The following ARL15 variants were observed in gnomAD, a reference collection of about 807,000 sequenced individuals.
ARL15 encodes the protein ADP-ribosylation factor-like protein 15.
A neutral mutation model predicts 25.2 loss-of-function variants in ARL15; 19 were observed. The ratio of observed to expected loss-of-function variants is 0.75; its 90% CI spans 0.53 to 1.10. The LOEUF is 1.10. ARL15 is among the 50% of genes least tolerant of loss of function. The probability of loss-of-function intolerance (pLI) is 0.00; values close to 1 mark genes in which losing one functional copy is unlikely to be tolerated. For missense variants in ARL15, 220 were observed against 246.0 expected, an observed-to-expected ratio of 0.89 and a Z score of 0.71; for synonymous variants, 94 against 86.8, an observed-to-expected ratio of 1.08 and a Z score of -0.46.
chr5:54,234,833 T>C (rs968437693), intron 1 of ARL15, among the ~76,000 whole-genome samples: 3 of 152,170 alleles, frequency 2.0e-5, no homozygotes, highest in Non-Finnish European at 4.4e-5. Flanking sequence ...AAAATTCAGA[T>C]TATAAAATAA....
intron 4 of ARL15, among the ~76,000 whole-genome samples, chr5:54,103,820 G>C (rs922634050): frequency 6.6e-6 from 1 of 152,132 alleles, no homozygotes; most frequent in Non-Finnish European, 1.5e-5. Context: ...ACATGTTTTT[G>C]TTCTCAGAGG....
At chr5:54,274,726 G>A (rs902094655) in intron 1 of ARL15, among the ~76,000 whole-genome samples, 4 of 151,932 alleles carry the variant, frequency 2.6e-5, no homozygotes, top group Admixed American at 6.6e-5. Context: ...GTGAAACCCC[G>A]ACTCTGCTAA....
At chr5:54,271,291 T>C (rs1022748242) in intron 1 of ARL15, among the ~76,000 whole-genome samples, 2 of 152,320 alleles carry the variant, frequency 1.3e-5, no homozygotes, top group East Asian at 3.9e-4. Context: ...CAGTTGTCCC[T>C]CAGTATCCAA....
At chr5:54,129,304 T>TAA (rs1475139206) in intron 3 of ARL15, among the ~76,000 whole-genome samples, 3 of 152,042 alleles carry the variant, frequency 2.0e-5, no homozygotes, top group African/African-American at 7.2e-5. Flanking sequence ...CTTAACATTC[T>TAA]AAAAAGTCCC....
At position 54,310,532 on chromosome 5, in the gene ARL15, G is replaced by A; in HGVS notation, c.-53C>T. ...TCCGAACCCGGAAAAAAAAAGCAGC[G>A]TCTCTGGCTGCGAGCGAGCAGCTCC... On this transcript the variant is annotated 5_prime_UTR_variant, in exon 1 of 5. The change creates a new upstream start codon in the 5' untranslated region. Coordinates refer to ENST00000504924, the MANE Select transcript of ARL15 (RefSeq NM_019087.3). 6.4e-7 allele frequency: 1 copy of A among 1,551,552 alleles called. No individual in the cohort carries two copies. The highest frequency in any genetic ancestry group is 8.7e-7 in the Non-Finnish European group (1 of 1,146,670).
At chr5:53,915,057 C>T (rs1462153885) in intron 4 of ARL15, among the ~76,000 whole-genome samples, 3 of 152,194 alleles carry the variant, frequency 2.0e-5, no homozygotes, top group African/African-American at 2.4e-5. Context: ...GTGATCAACC[C>T]GCCTTGGCCT....
intron 4 of ARL15, among the ~76,000 whole-genome samples, chr5:53,918,678 A>C (rs190150307): frequency 3.3e-5 from 5 of 152,230 alleles, no homozygotes; most frequent in African/African-American, 1.2e-4. Context: ...TAGAGACTGC[A>C]CACTAATAAA....
At chr5:54,020,791 T>TAAAAAAAA (rs146286288) in intron 4 of ARL15, among the ~76,000 whole-genome samples, 1 of 147,734 alleles carries the variant, frequency 6.8e-6, no homozygotes, top group Non-Finnish European at 1.5e-5. Context: ...TAATAAAAAT[T>TAAAAAAAA]AAAAGAAAAA....
intron 3 of ARL15, among the ~76,000 whole-genome samples, chr5:54,119,971 T>C (rs1034171125): frequency 6.6e-6 from 1 of 152,186 alleles, no homozygotes; most frequent in African/African-American, 2.4e-5. Context: ...TCTAAATGCA[T>C]AGTTCATCTT....
chr5:54,067,603 G>A (rs1751281443), intron 4 of ARL15, among the ~76,000 whole-genome samples: 1 of 152,172 alleles, frequency 6.6e-6, no homozygotes, highest in Non-Finnish European at 1.5e-5. Flanking sequence ...TGAAATGCTT[G>A]TGCTACATCA....
At chr5:54,055,008 C>A (rs200341586) in intron 4 of ARL15, among the ~76,000 whole-genome samples, 32 of 152,232 alleles carry the variant, frequency 2.1e-4, no homozygotes, top group African/African-American at 6.3e-4. Flanking sequence ...AATTCACATA[C>A]CACACAATTT....
At chr5:53,922,516 T>C (rs1266972378) in intron 4 of ARL15, among the ~76,000 whole-genome samples, 1 of 152,052 alleles carries the variant, frequency 6.6e-6, no homozygotes, top group Non-Finnish European at 1.5e-5. Flanking sequence ...AAAGATGGAG[T>C]ATGTCATGGA....
At chr5:54,278,763 A>G (rs1304546777) in intron 1 of ARL15, among the ~76,000 whole-genome samples, 4 of 152,182 alleles carry the variant, frequency 2.6e-5, no homozygotes, top group African/African-American at 9.7e-5. Flanking sequence ...TTAAATAAGC[A>G]TCACTGCTTT....
At chr5:54,212,214 C>T (rs140271369) in intron 1 of ARL15, among the ~76,000 whole-genome samples, 10 of 152,248 alleles carry the variant, frequency 6.6e-5, no homozygotes, top group African/African-American at 2.2e-4. Context: ...CATAATTTGC[C>T]AACCAATGGT....
intron 4 of ARL15, among the ~76,000 whole-genome samples, chr5:53,900,758 T>C (rs769642643): frequency 6.6e-6 from 1 of 152,160 alleles, no homozygotes; most frequent in Non-Finnish European, 1.5e-5. Flanking sequence ...AATCAAGCCA[T>C]GGTTTCATGA....
chr5:54,233,502 T>C (rs1230183275), intron 1 of ARL15, among the ~76,000 whole-genome samples: 4 of 152,248 alleles, frequency 2.6e-5, no homozygotes. Flanking sequence ...AGACTGATAT[T>C]GTGTTAACAT....
intron 4 of ARL15, among the ~76,000 whole-genome samples, chr5:53,983,499 C>T (rs1430773586): frequency 6.6e-6 from 1 of 152,124 alleles, no homozygotes; most frequent in African/African-American, 2.4e-5. Context: ...TCACTTTCAG[C>T]CTTCCATTCT....
At chr5:53,967,836 G>A (rs1747612102) in intron 4 of ARL15, among the ~76,000 whole-genome samples, 1 of 152,112 alleles carries the variant, frequency 6.6e-6, no homozygotes, top group South Asian at 2.1e-4. Context: ...CACAGAGGAG[G>A]CCCACGATAA....
intron 4 of ARL15, among the ~76,000 whole-genome samples, chr5:53,937,177 A>G (rs1580097071): frequency 6.6e-6 from 1 of 152,336 alleles, no homozygotes; most frequent in East Asian, 1.9e-4. Context: ...ATAGTGACCA[A>G]TTACAAAATG....
Sources: gnomAD v4.1 joint callset for allele counts (sites outside exome capture counted in the v4.1 genomes callset) on GRCh38, gnomAD v4.1.1 for gene constraint, MANE v1.5 for transcripts, NCBI Gene and HGNC (gene_info 2026-07-23, HGNC 2026-07-21) for gene names.